Variants in MDGA1 observed in about 807,000 individuals in gnomAD.
MDGA1 encodes MAM domain containing glycosylphosphatidylinositol anchor 1.
A neutral mutation model predicts 101.5 loss-of-function variants in MDGA1; 54 were observed. The ratio of observed to expected loss-of-function variants is 0.53; its 90% CI spans 0.43 to 0.67. MDGA1 has a LOEUF of 0.67. Among genes scored for constraint, MDGA1 ranks in the 30% least tolerant of loss-of-function variants. The pLI, the probability that MDGA1 is intolerant of heterozygous loss-of-function variation, is 0.00. For missense variants in MDGA1, 1,083 were observed against 1,323.8 expected (o/e 0.82, Z 2.82); for synonymous variants, 533 against 558.3 (o/e 0.95, Z 0.64).
chr6:37,645,878 G>T, intron 12 of MDGA1, 55 bp downstream of exon 12: 1 of 1,593,258 alleles, frequency 6.3e-7, no homozygotes, highest in Non-Finnish European at 8.6e-7. Context: ...CTCACCAGGA[G>T]AGCCTTTGTG....
intron 1 of MDGA1, among the ~76,000 whole-genome samples, chr6:37,690,772 C>A (rs201009673): frequency 7.0e-4 from 90 of 128,150 alleles, no homozygotes; most frequent in South Asian, 1.6e-3. Flanking sequence ...GACTCCACCT[C>A]AAAAAAAAAA....
Position 37,664,061 on chromosome 6 carries a change from A to G in MDGA1, c.113T>C (p.Val38Ala). Residue 38 changes from valine to alanine, a missense_variant, in exon 2 of 17, where the codon GTG (valine) becomes GCG (alanine). Transcript: ENST00000434837. ...ACGCTCGCTGATATTGTCCTCTTTC[A>G]CCACACATGCCTGGCCCGCATGCAC... Reference protein sequence around the residue: ...QIVHAGQACVVKEDNISERVY... With the variant: ...QIVHAGQACVAKEDNISERVY... The G allele has an allele frequency of 6.2e-7, 1 of 1,613,698 alleles. No homozygotes were observed. The highest frequency in any genetic ancestry group is 1.1e-5 in the South Asian group (1 of 91,062).
At chr6:37,673,324 AGATCCTGGTATGCAAGTGTTTATT>A (rs1761909913) in intron 1 of MDGA1, among the ~76,000 whole-genome samples, 1 of 152,224 alleles carries the variant, frequency 6.6e-6, no homozygotes, top group South Asian at 2.1e-4. Flanking sequence ...TCGCCCTCCC[AGATCCTGGTATGCAAGTGTTTATT>A]GATCCTTTTA....
chr6:37,697,062 G>A lies in MDGA1; in HGVS notation c.-251C>T. The A allele has an allele frequency of 2.6e-6, 1 of 379,816 alleles. No homozygotes were observed. The highest frequency in any genetic ancestry group is 4.6e-6 in the Non-Finnish European group (1 of 215,950). 23.5% of individuals were successfully genotyped at this position (379,816 alleles called of 1,614,324 possible). A position where few individuals can be genotyped will look rare whatever the true frequency, so the allele number is the denominator to read the frequency against. On this transcript the variant is annotated 5_prime_UTR_variant, in exon 1 of 17. Coordinates refer to ENST00000434837, the MANE Select transcript of MDGA1 (RefSeq NM_153487.4). The stretch of plus-strand genomic sequence containing the variant: ...AGCCCCGGGTGCCTCGGCGCGCCCG[G>A]CACAGCAGCCAGCGCCCCGACCCGA...
intron 7 of MDGA1, among the ~76,000 whole-genome samples, chr6:37,650,881 A>G (rs1761344854): frequency 1.3e-5 from 2 of 152,262 alleles, no homozygotes; most frequent in Admixed American, 1.3e-4. Flanking sequence ...CCCAGAAAAA[A>G]GAGTACATCT....
At chr6:37,667,653 A>G (rs969418796) in intron 1 of MDGA1, among the ~76,000 whole-genome samples, 4 of 152,248 alleles carry the variant, frequency 2.6e-5, no homozygotes, top group Admixed American at 6.5e-5. Flanking sequence ...TGATAAGACC[A>G]AGAGGCCTGG....
At chr6:37,648,627 T>A (rs910376418) in intron 9 of MDGA1, 4 of 346,292 alleles carry the variant, frequency 1.2e-5, no homozygotes, top group African/African-American at 8.6e-5. Context: ...GCGGCGCGGT[T>A]GTCACACGCC....
intron 14 of MDGA1, among the ~76,000 whole-genome samples, chr6:37,640,259 G>T (rs1561838662): frequency 6.6e-6 from 1 of 152,170 alleles, no homozygotes; most frequent in Non-Finnish European, 1.5e-5. Context: ...AAAGCCCAGA[G>T]GCTGGAAAGC....
rs1209252056 is a variant in MDGA1 at position 37,646,085 on chromosome 6, A to G, written c.2224+113T>C. Reference sequence around the variant, plus strand: ...GGGCCAGCGGATCTGGCCTGCAGTGACAAGGTAGTACACGGTGGGGAACCC... The same window carrying G: ...GGGCCAGCGGATCTGGCCTGCAGTGGCAAGGTAGTACACGGTGGGGAACCC... On this transcript the variant is annotated intron_variant, in intron 11 of 16. Coordinates refer to ENST00000434837, the MANE Select transcript of MDGA1 (RefSeq NM_153487.4). 2.6e-6 allele frequency: 4 copies of G among 1,567,122 alleles called. No individual in the cohort carries two copies. In the South Asian group the frequency reaches 3.4e-5, roughly 13 times the overall value.
Position 37,692,576 on chromosome 6 carries a change from C to T in MDGA1, c.67+4169G>A, listed in dbSNP as rs548359310. On this transcript the variant is annotated intron_variant, in intron 1 of 16. Coordinates refer to ENST00000434837, the MANE Select transcript of MDGA1 (RefSeq NM_153487.4). ...AGAAGCTGGGGCTGCTACCACTGCC[C>T]GGATTTCCACTCCCGCCCCCAGGTA... is the stretch of plus-strand genomic sequence containing the variant. Among the ~76,000 whole-genome samples, 6 of 152,182 alleles carry T rather than the reference C, an allele frequency of 3.9e-5. 1 individual carries two copies. In the South Asian group the frequency reaches 8.3e-4, roughly 21 times the overall value.
In MDGA1 at chr6:37,696,943, A is replaced by C; in HGVS notation, c.-132T>G. The stretch of plus-strand genomic sequence containing the variant: ...GAGGTGAGAGAGAGAGCGGCGACGA[A>C]GACCAGGAGACTGAAGAGGCGGAGG... On this transcript the variant is annotated 5_prime_UTR_variant, in exon 1 of 17. Coordinates refer to ENST00000434837, the MANE Select transcript of MDGA1 (RefSeq NM_153487.4). The surrounding 1 kb of genome is among the most constrained non-coding windows in gnomAD (Gnocchi z 5.6). The C allele has an allele frequency of 1.4e-6, 1 of 736,750 alleles. No homozygotes were observed. Among genetic ancestry groups the C allele is most frequent in the South Asian group, 1.6e-5 (1 of 62,568 alleles). 45.6% of individuals were successfully genotyped at this position (736,750 alleles called of 1,614,324 possible).
In MDGA1 at chr6:37,695,397, C is replaced by A. The variant is rs368484770; in HGVS notation, c.67+1348G>T. Reference sequence around the variant, plus strand: ...CCAGTCCCTGCTGCATTCTTTCCTGCCTTTCCTGGCCTCTGTGAGGGGCCA... The same window carrying A: ...CCAGTCCCTGCTGCATTCTTTCCTGACTTTCCTGGCCTCTGTGAGGGGCCA... On this transcript the variant is annotated intron_variant, in intron 1 of 16. Transcript: ENST00000434837. Among the ~76,000 whole-genome samples the A allele has an allele frequency of 2.0e-5, 3 of 152,378 alleles. No individual in the cohort carries two copies. The East Asian group carries it at 5.8e-4, about 29-fold the overall frequency.
At position 37,684,638 on chromosome 6, in the gene MDGA1, T is replaced by C. The variant is rs1762161021; in HGVS notation, c.67+12107A>G. 3.3e-5 allele frequency among the ~76,000 whole-genome samples: 5 copies of C among 152,182 alleles called. No individual in the cohort carries two copies. The South Asian group carries it at 1.0e-3, about 32-fold the overall frequency. On this transcript the variant is annotated intron_variant, in intron 1 of 16. Coordinates refer to ENST00000434837, the MANE Select transcript of MDGA1 (RefSeq NM_153487.4). ...GCCACTTGCCTTCTGCGGTCTCAGT[T>C]TCTTCCTGCAATGAATCTGGAAGAT...
At chr6:37,676,800 G>A (rs1761989000) in intron 1 of MDGA1, among the ~76,000 whole-genome samples, 1 of 152,034 alleles carries the variant, frequency 6.6e-6, no homozygotes, top group Non-Finnish European at 1.5e-5. Flanking sequence ...GGGAGGCTGA[G>A]GCAGGAGAAT....
At chr6:37,642,568 C>T (rs770195987) in intron 14 of MDGA1, among the ~76,000 whole-genome samples, 8 of 152,102 alleles carry the variant, frequency 5.3e-5, no homozygotes, top group East Asian at 1.9e-4. Flanking sequence ...GATGGGAGGG[C>T]GTCTGCATTA....
intron 1 of MDGA1, among the ~76,000 whole-genome samples, chr6:37,692,924 G>A (rs1032325537): frequency 6.6e-6 from 1 of 152,136 alleles, no homozygotes; most frequent in African/African-American, 2.4e-5. Context: ...CTGTAATGTC[G>A]GATGGGACAT....
At chr6:37,688,476 G>A (rs1327733203) in intron 1 of MDGA1, among the ~76,000 whole-genome samples, 2 of 152,164 alleles carry the variant, frequency 1.3e-5, no homozygotes, top group Non-Finnish European at 2.9e-5. Context: ...GCCAAGCAGT[G>A]CCCTCGAGTC....
rs148266795 is a variant in MDGA1 at position 37,687,534 on chromosome 6, T to A, written c.67+9211A>T. Among the ~76,000 whole-genome samples the A allele has an allele frequency of 7.3e-3, 1,105 of 152,214 alleles. 9 individuals are homozygous for A. Among genetic ancestry groups the A allele is most frequent in the African/African-American group, 0.025 (1,053 of 41,540 alleles). ...CAGTGAGCTATGATCACACCACTGT[T>A]CTCCAGCCTGCAAGACAGTGAGACC... On this transcript the variant is annotated intron_variant, in intron 1 of 16. Coordinates refer to ENST00000434837, the MANE Select transcript of MDGA1 (RefSeq NM_153487.4).
At chr6:37,665,383 T>G (rs1761725735) in intron 1 of MDGA1, among the ~76,000 whole-genome samples, 1 of 152,086 alleles carries the variant, frequency 6.6e-6, no homozygotes, top group Non-Finnish European at 1.5e-5. Context: ...ATAGAAATCA[T>G]AAGAGTGATG....
Sources: gnomAD v4.1 joint callset for allele counts (sites outside exome capture counted in the v4.1 genomes callset) on GRCh38, gnomAD v4.1.1 for gene constraint, Gnocchi (gnomAD v3.1) non-coding constraint, MANE v1.5 for transcripts, NCBI Gene and HGNC (gene_info 2026-07-23, HGNC 2026-07-21) for gene names.